DENND1B: variants seen among roughly 807,000 people sequenced by gnomAD.
DENND1B encodes DENN domain containing 1B, also known as DENN domain-containing protein 1B.
A neutral mutation model predicts 90.1 loss-of-function variants in DENND1B; 59 were observed. That is an observed-to-expected ratio of 0.65 (90% CI 0.53 to 0.81). The LOEUF is 0.81. DENND1B is among the 40% of genes least tolerant of loss of function. The pLI is 0.00. For missense variants in DENND1B, 862 were observed against 912.6 expected, an observed-to-expected ratio of 0.94 and a Z score of 0.71; for synonymous variants, 337 against 324.6, an observed-to-expected ratio of 1.04 and a Z score of -0.41.
chr1:197,775,385 C>T lies in DENND1B; in HGVS notation c.-230G>A, dbSNP rs1657192160. On this transcript the variant is annotated 5_prime_UTR_variant, in exon 1 of 23. Transcript: ENST00000620048. ...TTCTGTGACAGCAGCGGTGGCGTGG[C>T]CGCCGCCCCCGTCTCCGCCGGTAGC... 1 of 335,964 alleles carries T rather than the reference C, an allele frequency of 3.0e-6. No individual in the cohort carries two copies. Among genetic ancestry groups the T allele is most frequent in the East Asian group, 4.5e-5 (1 of 22,098 alleles). 20.8% of individuals were successfully genotyped at this position (335,964 alleles called of 1,614,324 possible).
intron 20 of DENND1B, among the ~76,000 whole-genome samples, chr1:197,525,538 C>A (rs768744636): frequency 6.6e-6 from 1 of 152,048 alleles, no homozygotes; most frequent in Non-Finnish European, 1.5e-5. Flanking sequence ...GTTCCTCTCA[C>A]TAACTAATGT....
At chr1:197,543,585 T>TA (rs1057261130) in intron 18 of DENND1B, among the ~76,000 whole-genome samples, 48 of 151,742 alleles carry the variant, frequency 3.2e-4, no homozygotes, top group African/African-American at 7.2e-4. Flanking sequence ...TATTTCATTG[T>TA]AAAAAAAAAT....
At chr1:197,661,336 C>A (rs1319958962) in intron 5 of DENND1B, among the ~76,000 whole-genome samples, 1 of 151,968 alleles carries the variant, frequency 6.6e-6, no homozygotes, top group African/African-American at 2.4e-5. Context: ...TGGCAAATTT[C>A]CTTCCACCAA....
At chr1:197,519,771 G>C (rs1350014424) in intron 20 of DENND1B, among the ~76,000 whole-genome samples, 3 of 151,886 alleles carry the variant, frequency 2.0e-5, no homozygotes, top group African/African-American at 7.2e-5. Flanking sequence ...CAAATGTCCA[G>C]TGGTGGGACA....
At chr1:197,525,284 A>G (rs1315574938) in intron 20 of DENND1B, among the ~76,000 whole-genome samples, 9 of 152,078 alleles carry the variant, frequency 5.9e-5, no homozygotes, top group Admixed American at 5.9e-4. Flanking sequence ...TGAAAATGCA[A>G]ATTCTACCAA....
intron 2 of DENND1B, among the ~76,000 whole-genome samples, chr1:197,727,829 C>G (rs887171589): frequency 6.6e-6 from 1 of 152,162 alleles, no homozygotes; most frequent in Non-Finnish European, 1.5e-5. Flanking sequence ...AAAGACACAT[C>G]CTTTTATATT....
At chr1:197,584,274 CTAAT>C (rs1260963344) in intron 14 of DENND1B, among the ~76,000 whole-genome samples, 2 of 152,052 alleles carry the variant, frequency 1.3e-5, no homozygotes, top group African/African-American at 2.4e-5. Flanking sequence ...ATGAGAGTAA[CTAAT>C]TAAACTATTA....
At position 197,611,923 on chromosome 1, in the gene DENND1B, A is replaced by T. The variant is rs200990130; in HGVS notation, c.819+8T>A. On this transcript the variant is annotated splice_region_variant and intron_variant, in intron 12 of 22. Coordinates refer to ENST00000620048, the MANE Select transcript of DENND1B (RefSeq NM_001195215.2). ...TTTATCACTGTCTCATGTCTGAAAGATACTCACCTCTATGAGGCTGGAGTG... is the reference window on the plus strand; with the variant it reads ...TTTATCACTGTCTCATGTCTGAAAGTTACTCACCTCTATGAGGCTGGAGTG... 66 of 1,602,372 alleles carry T rather than the reference A, an allele frequency of 4.1e-5. 1 individual carries two copies. In the African/African-American group the frequency reaches 7.9e-4, roughly 19 times the overall value.
At chr1:197,597,987 C>T (rs892879766) in intron 13 of DENND1B, among the ~76,000 whole-genome samples, 9 of 151,624 alleles carry the variant, frequency 5.9e-5, no homozygotes, top group African/African-American at 1.9e-4. Flanking sequence ...TAAAATATAT[C>T]GTTAACATTA....
At chr1:197,550,390 C>T (rs1407802220) in intron 16 of DENND1B, among the ~76,000 whole-genome samples, 1 of 151,996 alleles carries the variant, frequency 6.6e-6, no homozygotes, top group African/African-American at 2.4e-5. Context: ...AATTATTGAG[C>T]TGAATACTCA....
At chr1:197,735,116 T>C (rs1662520430) in intron 2 of DENND1B, 1 of 963,242 alleles carries the variant, frequency 1.0e-6, no homozygotes, top group African/African-American at 1.8e-5. Context: ...AAAATAGATT[T>C]GGTTAAATCT....
intron 10 of DENND1B, among the ~76,000 whole-genome samples, chr1:197,627,855 A>C (rs1035822435): frequency 6.6e-6 from 1 of 152,176 alleles, no homozygotes; most frequent in African/African-American, 2.4e-5. Flanking sequence ...ATCAATGTAC[A>C]AAAATCACAA....
At chr1:197,542,217 A>C (rs1019697587) in intron 18 of DENND1B, among the ~76,000 whole-genome samples, 1 of 152,158 alleles carries the variant, frequency 6.6e-6, no homozygotes, top group Non-Finnish European at 1.5e-5. Flanking sequence ...TATGAATTCC[A>C]CTTTGCTGTT....
chr1:197,510,065 G>C lies in DENND1B; in HGVS notation c.*395C>G, dbSNP rs1667915842. ...AATTAGTGGGTTAACAGTTTCATCA[G>C]CTTCAGGCTAGTTTTGATAAGTTTT... is the stretch of plus-strand genomic sequence containing the variant. On this transcript the variant is annotated 3_prime_UTR_variant, in exon 23 of 23. Coordinates refer to ENST00000620048, the MANE Select transcript of DENND1B (RefSeq NM_001195215.2). 4 of 161,150 alleles carry C rather than the reference G, an allele frequency of 2.5e-5. No individual in the cohort carries two copies. 10.0% of individuals were successfully genotyped at this position (161,150 alleles called of 1,614,324 possible).
chr1:197,649,332 A>G (rs550375280), intron 7 of DENND1B, among the ~76,000 whole-genome samples: 3 of 152,326 alleles, frequency 2.0e-5, no homozygotes, highest in East Asian at 1.9e-4. Flanking sequence ...AGTAACTTTC[A>G]TCTGACAGTC....
chr1:197,750,570 C>CTAGATAGG (rs1553342789), intron 2 of DENND1B, among the ~76,000 whole-genome samples: 1 of 149,118 alleles, frequency 6.7e-6, no homozygotes, highest in African/African-American at 2.5e-5. Flanking sequence ...AAAAGCAAAC[C>CTAGATAGG]TAGATAGATA....
At chr1:197,607,041 T>A in intron 13 of DENND1B, 32 bp downstream of exon 13, 1 of 1,486,614 alleles carries the variant, frequency 6.7e-7, no homozygotes. Context: ...AGAAAACATA[T>A]ATGTTCACCA....
rs569364308 is a variant in DENND1B, at chr1:197,510,482, T to C, written c.2306A>G (p.Asn769Ser). 2 of 1,605,536 alleles carry C rather than the reference T, an allele frequency of 1.2e-6. No individual in the cohort carries two copies. Among genetic ancestry groups the C allele is most frequent in the Admixed American group, 1.7e-5 (1 of 59,000 alleles). ...GATTTAAGTTTGGTTTCCATTTGTGTTTTTGTCTGAAATGTTCAAGCTTTG... is the reference window on the plus strand; with the variant it reads ...GATTTAAGTTTGGTTTCCATTTGTGCTTTTGTCTGAAATGTTCAAGCTTTG... ...FQQSLNISDK[N>S]TNGNQT Residue 769 changes from asparagine (N) to serine (S), a missense_variant, in exon 23 of 23, where the codon AAC (asparagine) becomes AGC (serine). Physicochemically the swap from Asn to Ser is conservative, Grantham distance 46. Transcript: ENST00000620048.
In DENND1B at chr1:197,581,259, G is replaced by A. The variant is rs1047119185; in HGVS notation, c.1149+1893C>T. Among the ~76,000 whole-genome samples the A allele has an allele frequency of 5.9e-5, 9 of 152,108 alleles. 1 individual carries two copies. The highest frequency in any genetic ancestry group is 1.4e-4 in the African/African-American group (6 of 41,422). On this transcript the variant is annotated intron_variant, in intron 15 of 22. Transcript: ENST00000620048. The stretch of plus-strand genomic sequence containing the variant: ...TCAATCCTTTCAGGGCTATCTTCAC[G>A]TATCACTTTTTTAAGAATCATGAGC...
Sources: allele counts gnomAD v4.1 joint callset (sites outside exome capture counted in the v4.1 genomes callset), GRCh38; gene constraint gnomAD v4.1.1; transcripts MANE v1.5; gene names NCBI Gene and HGNC (gene_info 2026-07-23, HGNC 2026-07-21).